CNTN4: variants seen among roughly 807,000 people sequenced by gnomAD.
CNTN4 encodes contactin 4, also known as contactin-4.
CNTN4 carries 77 observed loss-of-function variants against 122.5 expected under a neutral mutation model. That is an observed-to-expected ratio of 0.63 (90% CI 0.52 to 0.76). The LOEUF (loss-of-function observed/expected upper bound fraction) is 0.76. Ranked by LOEUF, CNTN4 falls within the 30% of genes least tolerant of loss-of-function variation. The pLI is 0.00. For synonymous variants in CNTN4, 512 were observed against 447.0 expected (o/e 1.15, Z -1.83); for missense variants, 1,256 against 1,259.1 (o/e 1.00, Z 0.04).
chr3:2,573,518 C>T (rs769283745), intron 4 of CNTN4, among the ~76,000 whole-genome samples: 4 of 152,150 alleles, frequency 2.6e-5, no homozygotes, highest in Non-Finnish European at 5.9e-5. Flanking sequence ...CTGGTATAAA[C>T]GTACTCTTTA....
intron 3 of CNTN4, among the ~76,000 whole-genome samples, chr3:2,416,212 C>G (rs1450068815): frequency 6.6e-6 from 1 of 151,976 alleles, no homozygotes; most frequent in Non-Finnish European, 1.5e-5. Context: ...CATTCCATAT[C>G]ACAGGCCACC....
intron 3 of CNTN4, among the ~76,000 whole-genome samples, chr3:2,400,404 A>AATATATATATATATAT (rs36082705): frequency 2.8e-4 from 26 of 91,396 alleles, no homozygotes; most frequent in Non-Finnish European, 3.8e-4. Context: ...TATGTGTGTG[A>AATATATATATATATAT]ATATATATAT....
chr3:2,899,426 T>C (rs542714057), intron 10 of CNTN4, among the ~76,000 whole-genome samples: 2 of 152,322 alleles, frequency 1.3e-5, no homozygotes, highest in Non-Finnish European at 2.9e-5. Context: ...GGCATTACCC[T>C]GTAGAAATGC....
At chr3:2,260,344 AT>A (rs112470485) in intron 2 of CNTN4, among the ~76,000 whole-genome samples, 198 of 148,564 alleles carry the variant, frequency 1.3e-3, no homozygotes, top group African/African-American at 3.9e-3. Flanking sequence ...AGGCATTATC[AT>A]TTTTTTTTTG....
At chr3:2,192,061 A>G (rs1348418362) in intron 2 of CNTN4, among the ~76,000 whole-genome samples, 2 of 151,760 alleles carry the variant, frequency 1.3e-5, no homozygotes, top group Non-Finnish European at 2.9e-5. Flanking sequence ...ACATGAACTC[A>G]TCCTTTTTTA....
At chr3:2,299,294 A>T (rs1370104700) in intron 2 of CNTN4, among the ~76,000 whole-genome samples, 1 of 152,172 alleles carries the variant, frequency 6.6e-6, no homozygotes, top group African/African-American at 2.4e-5. Flanking sequence ...TATTAAATGA[A>T]TCTTTTATTT....
chr3:2,686,282 A>C (rs1418221266), intron 4 of CNTN4, among the ~76,000 whole-genome samples: 1 of 151,908 alleles, frequency 6.6e-6, no homozygotes, highest in African/African-American at 2.4e-5. Context: ...ATCCAAATCT[A>C]CCTCCTTATA....
At chr3:2,501,722 C>T (rs2076599347) in intron 3 of CNTN4, among the ~76,000 whole-genome samples, 1 of 152,138 alleles carries the variant, frequency 6.6e-6, no homozygotes, top group South Asian at 2.1e-4. Context: ...AGGATAACAT[C>T]CCATGTTAAG....
intron 10 of CNTN4, among the ~76,000 whole-genome samples, chr3:2,897,625 A>G (rs2094129687): frequency 6.6e-6 from 1 of 152,170 alleles, no homozygotes; most frequent in South Asian, 2.1e-4. Context: ...CATGAAGTTT[A>G]TTTATGTTTT....
intron 3 of CNTN4, among the ~76,000 whole-genome samples, chr3:2,404,582 C>T (rs183879894): frequency 2.6e-5 from 4 of 152,220 alleles, no homozygotes; most frequent in Admixed American, 1.3e-4. Flanking sequence ...TTCTGTCTTC[C>T]CCTTCTGCTT....
chr3:2,449,372 T>C (rs965707295), intron 3 of CNTN4, among the ~76,000 whole-genome samples: 7 of 152,078 alleles, frequency 4.6e-5, no homozygotes, highest in Non-Finnish European at 1.0e-4. Context: ...CCCAGCACTT[T>C]GGGAGGCTGA....
chr3:2,465,507 T>C (rs2075464562), intron 3 of CNTN4, among the ~76,000 whole-genome samples: 1 of 151,744 alleles, frequency 6.6e-6, no homozygotes, highest in African/African-American at 2.4e-5. Flanking sequence ...TGAAACCCCG[T>C]CTCTCCTAAA....
At chr3:2,441,748 AC>A (rs1218980313) in intron 3 of CNTN4, among the ~76,000 whole-genome samples, 5 of 152,096 alleles carry the variant, frequency 3.3e-5, no homozygotes, top group Non-Finnish European at 5.9e-5. Flanking sequence ...ATCATATTTT[AC>A]CCAAGGACAC....
intron 2 of CNTN4, among the ~76,000 whole-genome samples, chr3:2,330,165 C>G (rs2043658934): frequency 6.6e-6 from 1 of 152,106 alleles, no homozygotes; most frequent in African/African-American, 2.4e-5. Flanking sequence ...AAGTGCTTTA[C>G]TTATATTTAC....
intron 6 of CNTN4, 95 bp downstream of exon 6, chr3:2,745,792 A>G (rs2089718583): frequency 4.6e-6 from 5 of 1,091,146 alleles, no homozygotes; most frequent in South Asian, 1.3e-5. Flanking sequence ...TAGAGACTAG[A>G]TTTTAATTGG....
At chr3:2,353,384 G>C (rs9865430) in intron 3 of CNTN4, among the ~76,000 whole-genome samples, 1 of 152,060 alleles carries the variant, frequency 6.6e-6, no homozygotes, top group African/African-American at 2.4e-5. Context: ...CAGGCTGCCC[G>C]ATCCCTGCAG....
intron 3 of CNTN4, among the ~76,000 whole-genome samples, chr3:2,359,028 C>G (rs1457702347): frequency 6.6e-6 from 1 of 152,130 alleles, no homozygotes; most frequent in African/African-American, 2.4e-5. Context: ...ATAGTTATAT[C>G]AAATATTTTA....
At chr3:2,806,948 C>G (rs1378347662) in intron 6 of CNTN4, among the ~76,000 whole-genome samples, 1 of 152,174 alleles carries the variant, frequency 6.6e-6, no homozygotes, top group Non-Finnish European at 1.5e-5. Flanking sequence ...TCCGGTTTCT[C>G]TAGCTTATTT....
intron 4 of CNTN4, among the ~76,000 whole-genome samples, chr3:2,697,583 AG>A (rs2149236837): frequency 6.6e-6 from 1 of 152,336 alleles, no homozygotes; most frequent in South Asian, 2.1e-4. Context: ...AGACAGCAAA[AG>A]ACAATGGATC....
Sources: allele counts gnomAD v4.1 joint callset (sites outside exome capture counted in the v4.1 genomes callset), GRCh38; gene constraint gnomAD v4.1.1; transcripts MANE v1.5; gene names NCBI Gene and HGNC (gene_info 2026-07-23, HGNC 2026-07-21).